Variants in WNT2 observed in about 807,000 individuals in gnomAD.
WNT2 encodes protein Wnt-2.
In WNT2, 12 loss-of-function variants were observed where a neutral mutation model predicts 36.9. The ratio of observed to expected loss-of-function variants is 0.33; its 90% CI spans 0.21 to 0.53. The LOEUF is 0.53. Among genes scored for constraint, WNT2 ranks in the 20% least tolerant of loss-of-function variants. The pLI, the probability that WNT2 is intolerant of heterozygous loss-of-function variation, is 0.95. For missense variants in WNT2, 379 were observed against 473.1 expected (o/e 0.80, Z 1.84); for synonymous variants, 163 against 174.6 (o/e 0.93, Z 0.52).
At chr7:117,298,007 T>C in intron 3 of WNT2, 131 bp from the exon 4 acceptor site, 1 of 1,270,576 alleles carries the variant, frequency 7.9e-7, no homozygotes. Flanking sequence ...CTGGGAAATG[T>C]TGAAGCATTG....
At chr7:117,296,694 G>A (rs1312338546) in intron 4 of WNT2, among the ~76,000 whole-genome samples, 2 of 152,134 alleles carry the variant, frequency 1.3e-5, no homozygotes, top group South Asian at 2.1e-4. Flanking sequence ...AGGAGTGAGA[G>A]GTAGAGCATG....
At position 117,284,471 on chromosome 7, in the gene WNT2, T is replaced by C. The variant is rs1477895590; in HGVS notation, c.854-6087A>G. The stretch of plus-strand genomic sequence containing the variant: ...TTTAGATGTTTTTTCTCAAATAATA[T>C]ACAAACTTGTTAACTGAGTCACTCA... On this transcript the variant is annotated intron_variant, in intron 4 of 4. Transcript: ENST00000265441. The surrounding 1 kb of genome is among the most constrained non-coding windows in gnomAD (Gnocchi z 5.2). Among the ~76,000 whole-genome samples, 2 of 152,194 alleles carry C rather than the reference T, an allele frequency of 1.3e-5. No individual in the cohort carries two copies. Among genetic ancestry groups the C allele is most frequent in the Non-Finnish European group, 2.9e-5 (2 of 68,034 alleles).
At chr7:117,283,550 T>C (rs1584675369) in intron 4 of WNT2, among the ~76,000 whole-genome samples, 1 of 152,110 alleles carries the variant, frequency 6.6e-6, no homozygotes, top group South Asian at 2.1e-4. Context: ...CCTAAGAAGG[T>C]TTGAGCTTGT....
In WNT2 at chr7:117,278,432, C is replaced by T. The variant is rs568803391; in HGVS notation, c.854-48G>A. 2.7e-4 allele frequency: 414 copies of T among 1,549,796 alleles called. 7 individuals carry two copies. In the South Asian group the frequency reaches 4.7e-3, roughly 18 times the overall value. On this transcript the variant is annotated intron_variant, in intron 4 of 4. Transcript: ENST00000265441. Reference sequence around the variant, plus strand: ...TTACTGAAAAGGTCTGGGTGGAATCCAATATGCCTCCAGAGGAGGAGTCAC... The same window carrying T: ...TTACTGAAAAGGTCTGGGTGGAATCTAATATGCCTCCAGAGGAGGAGTCAC...
intron 3 of WNT2, among the ~76,000 whole-genome samples, 165 bp from the exon 4 acceptor site, chr7:117,298,041 G>T (rs1421540445): frequency 6.6e-6 from 1 of 152,156 alleles, no homozygotes; most frequent in African/African-American, 2.4e-5. Context: ...AGCCACATTA[G>T]CCACCTGCCC....
Position 117,275,591 on chromosome 7 carries a change from AT to A in WNT2, c.*2563del, listed in dbSNP as rs547924123. Reference sequence around the variant, plus strand: ...TTTCCCAATTATTTTGTTTTGGCTAATTTGTGCCATATATTCCCCTTAAAAG... The same window carrying A: ...TTTCCCAATTATTTTGTTTTGGCTAATTGTGCCATATATTCCCCTTAAAAG... On this transcript the variant is annotated 3_prime_UTR_variant, in exon 5 of 5. Coordinates refer to ENST00000265441, the MANE Select transcript of WNT2 (RefSeq NM_003391.3). Among the ~76,000 whole-genome samples the A allele has an allele frequency of 2.1e-4, 32 of 152,308 alleles. No homozygotes were observed. The highest frequency in any genetic ancestry group is 3.4e-3 in the Middle Eastern group (1 of 294).
At chr7:117,317,929 G>A (rs1795250794) in intron 2 of WNT2, among the ~76,000 whole-genome samples, 1 of 152,148 alleles carries the variant, frequency 6.6e-6, no homozygotes, top group Non-Finnish European at 1.5e-5. Context: ...TTACCTTTGT[G>A]TTTTCTAAGG....
At chr7:117,279,268 G>A (rs2116320399) in intron 4 of WNT2, among the ~76,000 whole-genome samples, 1 of 152,272 alleles carries the variant, frequency 6.6e-6, no homozygotes, top group African/African-American at 2.4e-5. Flanking sequence ...CACATTATCA[G>A]ACAACAGAAC....
intron 4 of WNT2, among the ~76,000 whole-genome samples, chr7:117,292,605 C>G (rs1794711861): frequency 6.6e-6 from 1 of 152,190 alleles, no homozygotes; most frequent in Non-Finnish European, 1.5e-5. Context: ...TTTTTCGCAT[C>G]AAAGTTCACT....
At position 117,297,760 on chromosome 7, in the gene WNT2, C is replaced by G; in HGVS notation, c.705G>C (p.Trp235Cys). Residue 235 changes from tryptophan (W) to cysteine (C), a missense_variant, in exon 4 of 5, where the codon TGG becomes TGC. Trp to Cys is a radical substitution (Grantham distance 215, BLOSUM62 -2). Coordinates refer to ENST00000265441, the MANE Select transcript of WNT2 (RefSeq NM_003391.3). ...CCTGGATGGCCCCATTGTACTTCCT[C>G]CAGAGATAATCGCCCGTTTTCCTGA... ...ADFRKTGDYLWRKYNGAIQVV... is the reference protein window; with the variant it reads ...ADFRKTGDYLCRKYNGAIQVV... 6.2e-7 allele frequency: 1 copy of G among 1,614,168 alleles called. No individual in the cohort carries two copies. Among genetic ancestry groups the G allele is most frequent in the Non-Finnish European group, 8.5e-7 (1 of 1,180,030 alleles).
chr7:117,300,010 T>A (rs992084638), intron 3 of WNT2, among the ~76,000 whole-genome samples: 2 of 152,192 alleles, frequency 1.3e-5, no homozygotes, highest in African/African-American at 4.8e-5. Context: ...GGCAGCCTTG[T>A]GTTACAAATG....
At chr7:117,292,812 TAG>T (rs1301880349) in intron 4 of WNT2, among the ~76,000 whole-genome samples, 2 of 152,208 alleles carry the variant, frequency 1.3e-5, no homozygotes, top group East Asian at 3.8e-4. Context: ...GATGTTTATT[TAG>T]AGTTATCTAG....
chr7:117,304,448 T>C (rs1794975316), intron 3 of WNT2, among the ~76,000 whole-genome samples: 3 of 151,280 alleles, frequency 2.0e-5, no homozygotes, highest in African/African-American at 7.3e-5. Context: ...TTTTTTTTTT[T>C]TTTTTGAGAC....
At chr7:117,297,536 A>G (rs1336112402) in intron 4 of WNT2, 76 bp downstream of exon 4, 79 of 1,513,834 alleles carry the variant, frequency 5.2e-5, no homozygotes, top group Non-Finnish European at 6.9e-5. Flanking sequence ...GGCTGAAAAT[A>G]CAGAACCTCA....
intron 3 of WNT2, 50 bp from the exon 4 acceptor site, chr7:117,297,926 A>G (rs1331129254): frequency 6.4e-7 from 1 of 1,560,094 alleles, no homozygotes; most frequent in East Asian, 2.3e-5. Flanking sequence ...CAGGTGACAC[A>G]TGCTCCAACT....
chr7:117,315,409 T>C, intron 2 of WNT2, 61 bp from the exon 3 acceptor site: 1 of 1,509,018 alleles, frequency 6.6e-7, no homozygotes, highest in Non-Finnish European at 8.9e-7. Flanking sequence ...ATAACTTTCA[T>C]ATGACAATTG....
At position 117,303,683 on chromosome 7, in the gene WNT2, T is replaced by G. The variant is rs144677507; in HGVS notation, c.589-5807A>C. On this transcript the variant is annotated intron_variant, in intron 3 of 4. Transcript: ENST00000265441. ...TCTGTAACTATAAGTAAATTTTGAT[T>G]CTAAAATTTAAAAACAATAAACATC... Among the ~76,000 whole-genome samples, 274 of 152,280 alleles carry G rather than the reference T, an allele frequency of 1.8e-3. 4 individuals carry two copies. The highest frequency in any genetic ancestry group is 2.3e-3 in the South Asian group (11 of 4,822).
chr7:117,318,241 T>TCTC lies in WNT2; in HGVS notation c.310+2323_310+2325dup, dbSNP rs899946182. Among the ~76,000 whole-genome samples the TCTC allele has an allele frequency of 1.4e-4, 22 of 152,346 alleles. No homozygotes were observed. The South Asian group carries it at 1.9e-3, about 13-fold the overall frequency. On this transcript the variant is annotated intron_variant, in intron 2 of 4. Transcript: ENST00000265441. ...TCCACAACTCTAAGACGTAACTTTT[T>TCTC]CTCCAAGCAACTAATTGTAGAAATC...
At chr7:117,295,155 G>C (rs1193438611) in intron 4 of WNT2, among the ~76,000 whole-genome samples, 3 of 110,790 alleles carry the variant, frequency 2.7e-5, no homozygotes, top group Non-Finnish European at 5.4e-5. Context: ...GAGACAAGAT[G>C]AGATGAGACG....
Sources: allele counts gnomAD v4.1 joint callset (sites outside exome capture counted in the v4.1 genomes callset), GRCh38; gene constraint gnomAD v4.1.1; non-coding constraint Gnocchi (gnomAD v3.1); transcripts MANE v1.5; gene names NCBI Gene and HGNC (gene_info 2026-07-23, HGNC 2026-07-21).